TMEFF2: variants seen among roughly 807,000 people sequenced by gnomAD.
The protein encoded by TMEFF2 is transmembrane protein with EGF like and two follistatin like domains 2, also known as tomoregulin-2.
In TMEFF2, 28 loss-of-function variants were observed where a neutral mutation model predicts 53.8. The observed-to-expected ratio is 0.52, with a 90% CI of 0.39 to 0.71. The LOEUF (loss-of-function observed/expected upper bound fraction) is 0.71. Among genes scored for constraint, TMEFF2 ranks in the 30% least tolerant of loss-of-function variants. The probability of loss-of-function intolerance (pLI) is 0.00; values close to 1 mark genes in which losing one functional copy is unlikely to be tolerated. For synonymous variants in TMEFF2, 162 were observed against 166.3 expected, an observed-to-expected ratio of 0.97 and a Z score of 0.20; for missense variants, 353 against 455.2, an observed-to-expected ratio of 0.78 and a Z score of 2.04.
intron 4 of TMEFF2, among the ~76,000 whole-genome samples, chr2:192,130,984 G>A (rs913137451): frequency 2.6e-5 from 4 of 151,820 alleles, no homozygotes; most frequent in African/African-American, 9.7e-5. Context: ...CGTTTCAAGG[G>A]TGTCAGACCA....
chr2:192,131,370 C>T (rs915883482), intron 4 of TMEFF2, among the ~76,000 whole-genome samples: 19 of 151,570 alleles, frequency 1.3e-4, no homozygotes, highest in Non-Finnish European at 2.4e-4. Context: ...GGGCAAGTAC[C>T]CCTCAACCCC....
intron 4 of TMEFF2, among the ~76,000 whole-genome samples, chr2:192,163,458 A>G (rs1187053031): frequency 6.6e-6 from 1 of 152,236 alleles, no homozygotes; most frequent in Non-Finnish European, 1.5e-5. Context: ...TACATAGAAT[A>G]TAAATATGTG....
intron 4 of TMEFF2, among the ~76,000 whole-genome samples, chr2:192,079,305 C>T (rs557739208): frequency 1.5e-3 from 225 of 152,292 alleles, no homozygotes; most frequent in African/African-American, 4.5e-3. Context: ...AAAATCTTGC[C>T]TCCTTTCCTC....
chr2:192,079,503 C>T lies in TMEFF2; in HGVS notation c.440-21728G>A, dbSNP rs115204723. Among the ~76,000 whole-genome samples the T allele has an allele frequency of 9.2e-3, 1,397 of 152,226 alleles. 25 individuals are homozygous for T. Among genetic ancestry groups the T allele is most frequent in the African/African-American group, 0.031 (1,304 of 41,530 alleles). On this transcript the variant is annotated intron_variant, in intron 4 of 9. Transcript: ENST00000272771. ...GAAAAAACATGGATCTCTGAGTGAT[C>T]GTGTGGATCAAAGCTGTTCATCTGT...
At chr2:192,106,120 A>T (rs1178243184) in intron 4 of TMEFF2, among the ~76,000 whole-genome samples, 1 of 151,860 alleles carries the variant, frequency 6.6e-6, no homozygotes, top group Non-Finnish European at 1.5e-5. Context: ...ACAGTAAAAA[A>T]TTAGGATATT....
chr2:192,126,993 ATATT>A (rs1184465833), intron 4 of TMEFF2, among the ~76,000 whole-genome samples: 1 of 152,192 alleles, frequency 6.6e-6, no homozygotes, highest in Non-Finnish European at 1.5e-5. Flanking sequence ...CTTAGAACTG[ATATT>A]TAATTATGTG....
intron 5 of TMEFF2, among the ~76,000 whole-genome samples, chr2:192,045,153 T>C (rs1264856392): frequency 2.6e-5 from 4 of 152,204 alleles, no homozygotes; most frequent in African/African-American, 9.6e-5. Flanking sequence ...TTCTGCATGA[T>C]ATACAGCTAC....
At chr2:192,064,568 T>G (rs759826231) in intron 4 of TMEFF2, among the ~76,000 whole-genome samples, 1 of 151,880 alleles carries the variant, frequency 6.6e-6, no homozygotes, top group Non-Finnish European at 1.5e-5. Context: ...ACTTTTGGCA[T>G]ATGATGCACA....
intron 4 of TMEFF2, among the ~76,000 whole-genome samples, chr2:192,158,300 G>T (rs1690553153): frequency 6.6e-6 from 1 of 151,960 alleles, no homozygotes; most frequent in Non-Finnish European, 1.5e-5. Context: ...GAACTTATTT[G>T]GATATACATT....
At position 192,105,581 on chromosome 2, in the gene TMEFF2, G is replaced by A. The variant is rs1689127566; in HGVS notation, c.440-47806C>T. On this transcript the variant is annotated intron_variant, in intron 4 of 9. Coordinates refer to ENST00000272771, the MANE Select transcript of TMEFF2 (RefSeq NM_016192.4). ...GTTGTCCAACATCACACTATGGTAA[G>A]TGGCAGGAAACACTTTGAACCTAGG... Among the ~76,000 whole-genome samples, 4 of 151,894 alleles carry A rather than the reference G, an allele frequency of 2.6e-5. No homozygotes were observed. In the South Asian group the frequency reaches 8.3e-4, roughly 31 times the overall value.
At chr2:191,965,365 C>T (rs1285295499) in intron 7 of TMEFF2, among the ~76,000 whole-genome samples, 1 of 152,054 alleles carries the variant, frequency 6.6e-6, no homozygotes, top group Non-Finnish European at 1.5e-5. Context: ...TAAGTATCTC[C>T]CAAATTTGTC....
chr2:192,051,763 G>A (rs945938224), intron 5 of TMEFF2, among the ~76,000 whole-genome samples: 1 of 152,092 alleles, frequency 6.6e-6, no homozygotes, highest in Non-Finnish European at 1.5e-5. Flanking sequence ...CTAATGACAG[G>A]GAGCTTTCTC....
At chr2:192,034,874 G>C (rs1687245063) in intron 5 of TMEFF2, 1 of 152,276 alleles carries the variant, frequency 6.6e-6, no homozygotes, top group East Asian at 1.9e-4. Context: ...TCACTGGAGG[G>C]GGCATGGATG....
intron 5 of TMEFF2, among the ~76,000 whole-genome samples, chr2:192,049,309 T>C (rs1472810499): frequency 2.6e-5 from 4 of 152,220 alleles, no homozygotes; most frequent in Non-Finnish European, 5.9e-5. Context: ...GGAAGTTTGA[T>C]TAACCTGTCT....
intron 4 of TMEFF2, among the ~76,000 whole-genome samples, chr2:192,063,045 A>G (rs917543177): frequency 6.7e-6 from 1 of 148,528 alleles, no homozygotes; most frequent in African/African-American, 2.5e-5. Context: ...CACTTTTTTT[A>G]TTTTATTGAT....
At chr2:192,021,120 A>G (rs1402683472) in intron 5 of TMEFF2, among the ~76,000 whole-genome samples, 1 of 152,150 alleles carries the variant, frequency 6.6e-6, no homozygotes, top group Non-Finnish European at 1.5e-5. Flanking sequence ...GTATCTTTGC[A>G]AGCACAGGTG....
At chr2:191,994,687 C>T (rs532791161) in intron 7 of TMEFF2, among the ~76,000 whole-genome samples, 4 of 151,952 alleles carry the variant, frequency 2.6e-5, no homozygotes, top group East Asian at 1.9e-4. Flanking sequence ...CAATTTAAGA[C>T]AATGAAAAGC....
intron 7 of TMEFF2, among the ~76,000 whole-genome samples, chr2:191,960,153 G>A (rs912912682): frequency 3.3e-5 from 5 of 152,106 alleles, no homozygotes; most frequent in African/African-American, 1.2e-4. Flanking sequence ...GATTACAGTC[G>A]TGAGTCACTA....
intron 4 of TMEFF2, among the ~76,000 whole-genome samples, chr2:192,076,059 CTG>C (rs1278751117): frequency 6.6e-6 from 1 of 151,852 alleles, no homozygotes; most frequent in Non-Finnish European, 1.5e-5. Context: ...TTTCATTTTG[CTG>C]TGTGTTAGCA....
Sources: allele counts gnomAD v4.1 joint callset (sites outside exome capture counted in the v4.1 genomes callset), GRCh38; gene constraint gnomAD v4.1.1; transcripts MANE v1.5; gene names NCBI Gene and HGNC (gene_info 2026-07-23, HGNC 2026-07-21).